The following FAM83H variants were observed in gnomAD, a reference collection of about 807,000 sequenced individuals.
The protein encoded by FAM83H is scaffolding CK1 anchoring protein H.
In FAM83H, 24 loss-of-function variants were observed where a neutral mutation model predicts 30.2. That is an observed-to-expected ratio of 0.79 (90% CI 0.57 to 1.12). The LOEUF (loss-of-function observed/expected upper bound fraction) is 1.12, where lower values mean the gene tolerates loss of function less well. Ranked by LOEUF, FAM83H falls within the 50% of genes most tolerant of loss-of-function variation. FAM83H has a pLI of 0.00. For synonymous variants in FAM83H, 1,013 were observed against 821.7 expected (o/e 1.23, Z -3.98); for missense variants, 2,038 against 1,773.9 (o/e 1.15, Z -2.67).
rs1554622776 is a variant in FAM83H, at chr8:143,727,660, G to C, written c.1801C>G (p.Pro601Ala). The change falls in exon 5 of 5, where the codon CCG becomes GCG. Residue 601 changes from proline to alanine, a missense_variant. Pro to Ala is a conservative substitution (Grantham distance 27). Transcript: ENST00000388913. Reference protein sequence around the residue: ...HGEDGGDDGLPAPMEAEAYED... With the variant: ...HGEDGGDDGLAAPMEAEAYED... ...TAAGCCTCCGCTTCCATGGGCGCCG[G>C]TAGGCCGTCGTCGCCCCCATCCTCG... 1 of 1,572,610 alleles carries C rather than the reference G, an allele frequency of 6.4e-7. No homozygotes were observed. The highest frequency in any genetic ancestry group is 1.4e-5 in the African/African-American group (1 of 73,356).
intron 1 of FAM83H, chr8:143,732,676 T>A: frequency 1.0e-6 from 1 of 985,348 alleles, no homozygotes; most frequent in Non-Finnish European, 1.2e-6. Context: ...ACTGCTTCAT[T>A]CCTCACGTCG....
In FAM83H at chr8:143,728,405, C is replaced by T. The variant is rs1251333571; in HGVS notation, c.1056G>A (p.Ser352=). The change falls in exon 5 of 5, where the codon TCG becomes TCA. Residue 352 remains serine (S), a synonymous_variant. Transcript: ENST00000388913. ...GCGGCGGCTCCTCCCGGCGGAAGGC[C>T]GACAGGAAGTGGCGGTCCGGGTCGA... ...SFLDPDRHFL[S]AFRREEPPRM... is the part of the protein sequence containing the mutation. 4.5e-6 allele frequency: 7 copies of T among 1,547,632 alleles called. No homozygotes were observed. In the Admixed American group the frequency reaches 1.4e-4, roughly 30 times the overall value.
At position 143,725,698 on chromosome 8, in the gene FAM83H, G is replaced by A. The variant is rs1317308154; in HGVS notation, c.*223C>T. On this transcript the variant is annotated 3_prime_UTR_variant, in exon 5 of 5. Coordinates refer to ENST00000388913, the MANE Select transcript of FAM83H (RefSeq NM_198488.5). ...CTGAGGGGAGAAAGGCACTGGTGGC[G>A]AGGGGTGCAGCCCCAGCGTTGGGGA... The A allele has an allele frequency of 4.5e-6, 3 of 669,246 alleles. No individual in the cohort carries two copies. The highest frequency in any genetic ancestry group is 1.8e-5 in the African/African-American group (1 of 55,074). The allele number at this position is 669,246 out of a possible 1,614,324, so 41.5% of individuals were successfully genotyped here. A position where few individuals can be genotyped will look rare whatever the true frequency, so the allele number is the denominator to read the frequency against.
chr8:143,728,847 G>A, intron 4 of FAM83H, 120 bp downstream of exon 4: 2 of 1,597,208 alleles, frequency 1.3e-6, no homozygotes, highest in South Asian at 2.2e-5. Flanking sequence ...GCCCGGCTAG[G>A]CTGTGCAGGG....
intron 1 of FAM83H, chr8:143,731,471 C>G: frequency 1.1e-5 from 11 of 985,472 alleles, no homozygotes; most frequent in Non-Finnish European, 1.3e-5. Flanking sequence ...ACACCTCCTC[C>G]CCATCCTCAG....
Position 143,727,925 on chromosome 8 carries a change from C to T in FAM83H, c.1536G>A (p.Pro512=). 1.3e-6 allele frequency: 2 copies of T among 1,531,354 alleles called. No individual in the cohort carries two copies. Among genetic ancestry groups the T allele is most frequent in the Non-Finnish European group, 1.7e-6 (2 of 1,145,408 alleles). The allele number at this position is 1,531,354 out of a possible 1,614,324, so 94.9% of individuals were successfully genotyped here. A position where few individuals can be genotyped will look rare whatever the true frequency, so the allele number is the denominator to read the frequency against. ...GGCGCACCTCGCGGGACGCGCTGGA[C>T]GGCACGTAGTCCAGCCGCTGGTGCC... is the stretch of plus-strand genomic sequence containing the variant. ...PDGHQRLDYV[P]SSASREVRHG... The change falls in exon 5 of 5, where the codon CCG becomes CCA. Residue 512 remains proline, a synonymous_variant. Coordinates refer to ENST00000388913, the MANE Select transcript of FAM83H (RefSeq NM_198488.5).
At position 143,725,798 on chromosome 8, in the gene FAM83H, C is replaced by T; in HGVS notation, c.*123G>A. On this transcript the variant is annotated 3_prime_UTR_variant, in exon 5 of 5. Transcript: ENST00000388913. Reference sequence around the variant, plus strand: ...AGGTCTGGCGCACTCAGCCAAGCCCCAAGCGGCCGTGGCCTGACAGCCGCT... The same window carrying T: ...AGGTCTGGCGCACTCAGCCAAGCCCTAAGCGGCCGTGGCCTGACAGCCGCT... 1 of 1,510,072 alleles carries T rather than the reference C, an allele frequency of 6.6e-7. No individual in the cohort carries two copies. The highest frequency in any genetic ancestry group is 8.9e-7 in the Non-Finnish European group (1 of 1,120,172). 93.5% of individuals were successfully genotyped at this position (1,510,072 alleles called of 1,614,324 possible). A position where few individuals can be genotyped will look rare whatever the true frequency, so the allele number is the denominator to read the frequency against.
chr8:143,729,461 C>T (rs7821494), intron 2 of FAM83H, 138 bp from the exon 3 acceptor site: 13 of 939,406 alleles, frequency 1.4e-5, no homozygotes, highest in Admixed American at 6.1e-5. Context: ...AGGGAGTTGG[C>T]GCCACATCTG....
In FAM83H at chr8:143,730,544, G is replaced by T; in HGVS notation, c.39C>A (p.Asn13Lys). The T allele has an allele frequency of 5.7e-6, 9 of 1,570,390 alleles. No individual in the cohort carries two copies. Among genetic ancestry groups the T allele is most frequent in the Non-Finnish European group, 7.8e-6 (9 of 1,156,886 alleles). Residue 13 changes from asparagine (N) to lysine (K), a missense_variant, in exon 2 of 5, where the codon AAC becomes AAA. By Grantham distance (94) the Asn-to-Lys change is moderately conservative (BLOSUM62 0). Coordinates refer to ENST00000388913, the MANE Select transcript of FAM83H (RefSeq NM_198488.5). ...RRSQSSSQGD[N>K]PLAPGYLPPH... Reference sequence around the variant, plus strand: ...GCGGCAGGTACCCGGGTGCCAGTGGGTTGTCCCCCTGCGAGGAGCTCTGAG... The same window carrying T: ...GCGGCAGGTACCCGGGTGCCAGTGGTTTGTCCCCCTGCGAGGAGCTCTGAG...
rs1554622542 is a variant in FAM83H at position 143,727,391 on chromosome 8, C to T, written c.2070G>A (p.Thr690=). 4 of 1,573,822 alleles carry T rather than the reference C, an allele frequency of 2.5e-6. No individual in the cohort carries two copies. The highest frequency in any genetic ancestry group is 2.3e-5 in the East Asian group (1 of 43,638). ...CCCCGGCCGCGCCCTCGGCCTGTGACGTGCTGAAGATGAGCGAGGAGCGCA... is the reference window on the plus strand; with the variant it reads ...CCCCGGCCGCGCCCTCGGCCTGTGATGTGCTGAAGATGAGCGAGGAGCGCA... ...SRLRSSLIFS[T]SQAEGAAGAA... is the part of the protein sequence containing the mutation. Residue 690 remains threonine, a synonymous_variant, in exon 5 of 5, where the codon ACG becomes ACA. Transcript: ENST00000388913.
Position 143,728,264 on chromosome 8 carries a change from C to A in FAM83H, c.1197G>T (p.Ala399=). 6.5e-7 allele frequency: 1 copy of A among 1,545,978 alleles called. No individual in the cohort carries two copies. The highest frequency in any genetic ancestry group is 8.7e-7 in the Non-Finnish European group (1 of 1,151,788). The change falls in exon 5 of 5, where the codon GCG becomes GCT. Residue 399 remains alanine (A), a synonymous_variant. Transcript: ENST00000388913. ...ELAGARGFFQ[A]RHLEMDAFKR... ...TGAAGGCGTCCATCTCCAGGTGCCGCGCCTGGAAGAAGCCCCGCGCGCCCG... is the reference window on the plus strand; with the variant it reads ...TGAAGGCGTCCATCTCCAGGTGCCGAGCCTGGAAGAAGCCCCGCGCGCCCG...
At position 143,725,861 on chromosome 8, in the gene FAM83H, C is replaced by T; in HGVS notation, c.*60G>A. 2.5e-6 allele frequency: 4 copies of T among 1,592,642 alleles called. No homozygotes were observed. Among genetic ancestry groups the T allele is most frequent in the South Asian group, 1.1e-5 (1 of 88,874 alleles). On this transcript the variant is annotated 3_prime_UTR_variant, in exon 5 of 5. Transcript: ENST00000388913. The stretch of plus-strand genomic sequence containing the variant: ...GAGCAGGGCTCTCTGTTCCGCGGGG[C>T]TTCTGGATGACCGGGGCAGCGATGC...
intron 4 of FAM83H, 45 bp downstream of exon 4, chr8:143,728,922 G>C: frequency 6.2e-6 from 10 of 1,612,592 alleles, no homozygotes; most frequent in Non-Finnish European, 8.5e-6. Context: ...TGGGGTTACA[G>C]GAGGAGGCCC....
intron 1 of FAM83H, chr8:143,732,381 T>C (rs1818555245): frequency 1.0e-6 from 1 of 985,326 alleles, no homozygotes; most frequent in East Asian, 1.1e-4. Context: ...TGTAGGCCTG[T>C]CTGGCTGGGC....
At chr8:143,729,844 A>T (rs1818449406) in intron 2 of FAM83H, among the ~76,000 whole-genome samples, 1 of 152,226 alleles carries the variant, frequency 6.6e-6, no homozygotes, top group African/African-American at 2.4e-5. Flanking sequence ...GCCACCGGGC[A>T]GGATGAGAGG....
rs1437563754 is a variant in FAM83H, at chr8:143,727,789, G to C, written c.1672C>G (p.Pro558Ala). 2 of 1,366,718 alleles carry C rather than the reference G, an allele frequency of 1.5e-6. No individual in the cohort carries two copies. The highest frequency in any genetic ancestry group is 1.9e-6 in the Non-Finnish European group (2 of 1,069,758). 84.7% of individuals were successfully genotyped at this position (1,366,718 alleles called of 1,614,324 possible). The change falls in exon 5 of 5, where the codon CCA becomes GCA. Residue 558 changes from proline (P) to alanine (A), a missense_variant. By Grantham distance (27) the Pro-to-Ala change is conservative. Coordinates refer to ENST00000388913, the MANE Select transcript of FAM83H (RefSeq NM_198488.5). ...FPCQAAARPGPDPAPEAEPER... is the reference protein window; with the variant it reads ...FPCQAAARPGADPAPEAEPER... The stretch of plus-strand genomic sequence containing the variant: ...GGCTCCGCCTCGGGAGCGGGGTCTG[G>C]GCCCGGCCTCGCCGCGGCCTGGCAT...
rs1254890609 is a variant in FAM83H, at chr8:143,731,041, A to G, written c.-15-444T>C. Among the ~76,000 whole-genome samples the G allele has an allele frequency of 2.0e-5, 3 of 152,124 alleles. No homozygotes were observed. In the East Asian group the frequency reaches 5.8e-4, roughly 29 times the overall value. ...GCCCAGGAGTTGGAGGCTGCTGTGA[A>G]TTATGATTGTGACACTGCACTCCTG... On this transcript the variant is annotated intron_variant, in intron 1 of 4. Coordinates refer to ENST00000388913, the MANE Select transcript of FAM83H (RefSeq NM_198488.5).
Position 143,727,095 on chromosome 8 carries a change from C to T in FAM83H, c.2366G>A (p.Cys789Tyr). The T allele has an allele frequency of 6.5e-7, 1 of 1,540,342 alleles. No individual in the cohort carries two copies. Among genetic ancestry groups the T allele is most frequent in the Non-Finnish European group, 8.7e-7 (1 of 1,149,598 alleles). ...AAAGGAGTCGCGCAGGTCCAGCAGGCAGCTCTCGAGGCTGCGGCGCTCGCC... is the reference window on the plus strand; with the variant it reads ...AAAGGAGTCGCGCAGGTCCAGCAGGTAGCTCTCGAGGCTGCGGCGCTCGCC... ...VGGERRSLESCLLDLRDSFAQ... is the reference protein window; with the variant it reads ...VGGERRSLESYLLDLRDSFAQ... The change falls in exon 5 of 5, where the codon TGC becomes TAC. Residue 789 changes from cysteine to tyrosine, a missense_variant. Transcript: ENST00000388913.
At chr8:143,728,939 A>AG (rs1312204087) in intron 4 of FAM83H, 28 bp downstream of exon 4, 4 of 1,612,920 alleles carry the variant, frequency 2.5e-6, no homozygotes, top group Admixed American at 1.7e-5. Context: ...GCCCCAGAGA[A>AG]GGGGGTGAGG....
Sources: allele counts gnomAD v4.1 joint callset (sites outside exome capture counted in the v4.1 genomes callset), GRCh38; gene constraint gnomAD v4.1.1; transcripts MANE v1.5; gene names NCBI Gene and HGNC (gene_info 2026-07-23, HGNC 2026-07-21).